NRXN3: variants seen among roughly 807,000 people sequenced by gnomAD.
The protein encoded by NRXN3 is neurexin III.
In NRXN3, 32 loss-of-function variants were observed where a neutral mutation model predicts 137.6. The observed-to-expected ratio is 0.23, with a 90% CI of 0.18 to 0.31. NRXN3 has a LOEUF of 0.31. NRXN3 is among the 10% of genes least tolerant of loss of function. The pLI is 1.00. For synonymous variants in NRXN3, 798 were observed against 784.5 expected (o/e 1.02, Z -0.29); for missense variants, 1,574 against 2,062.5 (o/e 0.76, Z 4.59).
rs111782853 is a variant in NRXN3, at chr14:78,358,051, G to A, written c.757+60191G>A. ...GTGAGTTGAGGGGGTTGAGAATATA[G>A]GACAGAAAACATGAGTTCCAGTCCT... On this transcript the variant is annotated intron_variant, in intron 4 of 20. Coordinates refer to ENST00000335750, the MANE Select transcript of NRXN3 (RefSeq NM_001330195.2). Among the ~76,000 whole-genome samples, 1,358 of 152,274 alleles carry A rather than the reference G, an allele frequency of 8.9e-3. 41 individuals carry two copies. Among genetic ancestry groups the A allele is most frequent in the East Asian group, 0.084 (435 of 5,176 alleles).
At chr14:79,499,218 C>A (rs535827621) in intron 16 of NRXN3, among the ~76,000 whole-genome samples, 2 of 152,320 alleles carry the variant, frequency 1.3e-5, no homozygotes, top group South Asian at 4.1e-4. Context: ...CCTCTCAATA[C>A]CCTCCAGAAC....
chr14:79,667,407 A>T (rs1425539925), intron 17 of NRXN3, among the ~76,000 whole-genome samples: 1 of 152,028 alleles, frequency 6.6e-6, no homozygotes, highest in African/African-American at 2.4e-5. Flanking sequence ...TCCTGCCTAC[A>T]AGGTCTGAAT....
chr14:78,925,097 T>C (rs1276370284), intron 10 of NRXN3, among the ~76,000 whole-genome samples: 1 of 152,244 alleles, frequency 6.6e-6, no homozygotes, highest in Non-Finnish European at 1.5e-5. Context: ...CTGACTCATT[T>C]GAGCGTTCTG....
chr14:79,288,949 A>C (rs1373762544), intron 15 of NRXN3, among the ~76,000 whole-genome samples: 1 of 152,196 alleles, frequency 6.6e-6, no homozygotes, highest in Non-Finnish European at 1.5e-5. Context: ...GAGGTTCCAC[A>C]TGATCAAATC....
chr14:79,299,907 GA>G (rs1442010955), intron 15 of NRXN3, among the ~76,000 whole-genome samples: 1 of 152,060 alleles, frequency 6.6e-6, no homozygotes, highest in African/African-American at 2.4e-5. Flanking sequence ...CGGGATATTT[GA>G]GCATCCATTC....
chr14:79,755,028 T>C (rs528486205), intron 19 of NRXN3, among the ~76,000 whole-genome samples: 3 of 152,296 alleles, frequency 2.0e-5, no homozygotes, highest in Admixed American at 2.0e-4. Flanking sequence ...CCTTTATAAA[T>C]TACTCAGTCT....
At chr14:78,872,525 G>T (rs1039410860) in intron 10 of NRXN3, among the ~76,000 whole-genome samples, 9 of 151,192 alleles carry the variant, frequency 6.0e-5, no homozygotes, top group African/African-American at 1.7e-4. Context: ...TTCTATTAGA[G>T]CCTATCCTAC....
chr14:79,369,862 T>C (rs896781109), intron 15 of NRXN3, among the ~76,000 whole-genome samples: 1 of 152,172 alleles, frequency 6.6e-6, no homozygotes, highest in Non-Finnish European at 1.5e-5. Context: ...CCAGGAACTG[T>C]CAGTTAAGAA....
At chr14:78,227,540 AG>A (rs1260533656) in intron 1 of NRXN3, among the ~76,000 whole-genome samples, 1 of 152,210 alleles carries the variant, frequency 6.6e-6, no homozygotes, top group Admixed American at 6.5e-5. Context: ...CTCAGCTCAC[AG>A]CACAGGAAGC....
At chr14:78,908,991 G>A (rs1004474798) in intron 10 of NRXN3, among the ~76,000 whole-genome samples, 6 of 152,200 alleles carry the variant, frequency 3.9e-5, no homozygotes, top group Middle Eastern at 3.4e-3. Context: ...AAAAGCCTAG[G>A]TTATTAACAG....
chr14:78,974,654 A>G (rs1401007481), intron 14 of NRXN3, among the ~76,000 whole-genome samples: 1 of 152,058 alleles, frequency 6.6e-6, no homozygotes, highest in Non-Finnish European at 1.5e-5. Flanking sequence ...TAATGACTTG[A>G]CAGTCTCTTT....
At chr14:78,633,211 C>T (rs893335392) in intron 4 of NRXN3, among the ~76,000 whole-genome samples, 21 of 136,314 alleles carry the variant, frequency 1.5e-4, no homozygotes, top group Non-Finnish European at 1.7e-4. Context: ...GCCAAGATCG[C>T]GCCACTGCAC....
intron 15 of NRXN3, among the ~76,000 whole-genome samples, chr14:79,149,102 CA>C (rs2059566632): frequency 6.6e-6 from 1 of 152,056 alleles, no homozygotes; most frequent in Admixed American, 6.6e-5. Flanking sequence ...ACAAGTGTTT[CA>C]GTAAATATTA....
At chr14:78,612,085 C>A (rs1050748670) in intron 4 of NRXN3, among the ~76,000 whole-genome samples, 13 of 152,128 alleles carry the variant, frequency 8.5e-5, no homozygotes, top group African/African-American at 3.1e-4. Flanking sequence ...TTGCAAAAGA[C>A]CGTGGTACAT....
intron 15 of NRXN3, among the ~76,000 whole-genome samples, chr14:79,411,619 T>A (rs2095418257): frequency 1.3e-5 from 2 of 152,128 alleles, no homozygotes; most frequent in Admixed American, 6.6e-5. Flanking sequence ...TACTGCTACT[T>A]TGATTTTACA....
At chr14:79,773,560 T>G (rs2099086505) in intron 19 of NRXN3, among the ~76,000 whole-genome samples, 1 of 138,582 alleles carries the variant, frequency 7.2e-6, no homozygotes, top group Non-Finnish European at 1.5e-5. Context: ...TTCTCACTCA[T>G]AGGTGGGAAT....
intron 16 of NRXN3, among the ~76,000 whole-genome samples, chr14:79,508,482 C>T (rs762425525): frequency 4.2e-5 from 6 of 141,666 alleles, no homozygotes; most frequent in East Asian, 2.2e-4. Flanking sequence ...CTTCATCTCC[C>T]GGGTACAAGT....
intron 15 of NRXN3, among the ~76,000 whole-genome samples, chr14:79,034,916 A>G (rs1270297681): frequency 6.6e-6 from 1 of 152,080 alleles, no homozygotes; most frequent in Non-Finnish European, 1.5e-5. Context: ...TTCCAAGCAA[A>G]TGCTCTGGAG....
chr14:79,678,865 A>C (rs2154008371), intron 17 of NRXN3, among the ~76,000 whole-genome samples: 1 of 152,292 alleles, frequency 6.6e-6, no homozygotes, highest in South Asian at 2.1e-4. Flanking sequence ...AGGTTTCTGA[A>C]GGAGTGAAAT....
Sources: allele counts gnomAD v4.1 joint callset (sites outside exome capture counted in the v4.1 genomes callset), GRCh38; gene constraint gnomAD v4.1.1; transcripts MANE v1.5; gene names NCBI Gene and HGNC (gene_info 2026-07-23, HGNC 2026-07-21).